Variants in TTBK1 observed in about 807,000 individuals in gnomAD.
TTBK1 encodes tau-tubulin kinase 1.
In TTBK1, 34 loss-of-function variants were observed where a neutral mutation model predicts 108.5. That is an observed-to-expected ratio of 0.31 (90% CI 0.24 to 0.42). The LOEUF is 0.42. Ranked by LOEUF, TTBK1 falls within the 10% of genes least tolerant of loss-of-function variation. The pLI, the probability that TTBK1 is intolerant of heterozygous loss-of-function variation, is 1.00. For missense variants in TTBK1, 1,539 were observed against 1,826.0 expected (o/e 0.84, Z 2.86); for synonymous variants, 809 against 795.1 (o/e 1.02, Z -0.29).
rs1235002597 is a variant in TTBK1 at position 43,285,522 on chromosome 6, G to A, written c.*146G>A. On this transcript the variant is annotated 3_prime_UTR_variant, in exon 15 of 15. Transcript: ENST00000259750. This position sits in a 1 kb window ranked among gnomAD's most constrained non-coding sequence, Gnocchi z 4.7. ...GCTTTCCGCCTGCACCCGCGAGGAC[G>A]CGCGCGAGCACACGCGGCGCCCCGC... 11 of 1,098,080 alleles carry A rather than the reference G, an allele frequency of 1.0e-5. No individual in the cohort carries two copies. The highest frequency in any genetic ancestry group is 1.3e-5 in the Non-Finnish European group (11 of 871,728). The allele number at this position is 1,098,080 out of a possible 1,614,324, so 68.0% of individuals were successfully genotyped here.
chr6:43,249,739 G>A (rs908322129), intron 2 of TTBK1, among the ~76,000 whole-genome samples: 2 of 151,778 alleles, frequency 1.3e-5, no homozygotes, highest in African/African-American at 4.8e-5. Context: ...ACCACACCTG[G>A]CTAATTTTTG....
Position 43,285,312 on chromosome 6 carries a change from A to T in TTBK1, c.3902A>T (p.Gln1301Leu), listed in dbSNP as rs1318185669. The T allele has an allele frequency of 8.4e-5, 109 of 1,294,038 alleles. 1 individual carries two copies. The highest frequency in any genetic ancestry group is 1.0e-4 in the Non-Finnish European group (103 of 1,026,130). 80.2% of individuals were successfully genotyped at this position (1,294,038 alleles called of 1,614,324 possible). ...AAGAAAGGACCCAGAGGGAAACTCC[A>T]GGCTCAGCGCGCAACAACCAAAGGC... ...GSKKGPRGKL[Q>L]AQRATTKGRA... Residue 1301 changes from glutamine to leucine, a missense_variant, in exon 15 of 15, where the codon CAG (glutamine) becomes CTG (leucine). This residue lies in a region of TTBK1 where 1,055 missense variants were observed against 1,086.5 expected (regional missense o/e 0.97). Coordinates refer to ENST00000259750, the MANE Select transcript of TTBK1 (RefSeq NM_032538.3). The surrounding 1 kb of genome is among the most constrained non-coding windows in gnomAD (Gnocchi z 4.7).
Position 43,285,457 on chromosome 6 carries a change from C to A in TTBK1, c.*81C>A, listed in dbSNP as rs1399819322. ...CCGGCCACACTGGAGCAGCTCCCAG[C>A]ACAGCCTTACGCGCCCGACGCGCGC... On this transcript the variant is annotated 3_prime_UTR_variant, in exon 15 of 15. Transcript: ENST00000259750. The surrounding 1 kb of genome is among the most constrained non-coding windows in gnomAD (Gnocchi z 4.7). 8.1e-7 allele frequency: 1 copy of A among 1,232,410 alleles called. No homozygotes were observed. The highest frequency in any genetic ancestry group is 4.3e-5 in the Admixed American group (1 of 23,470). 76.3% of individuals were successfully genotyped at this position (1,232,410 alleles called of 1,614,324 possible).
At chr6:43,274,516 C>G (rs1444106664) in intron 13 of TTBK1, among the ~76,000 whole-genome samples, 5 of 152,172 alleles carry the variant, frequency 3.3e-5, no homozygotes, top group Admixed American at 2.0e-4. Flanking sequence ...TGGCTCTGAC[C>G]GGGGATGGGG....
intron 13 of TTBK1, chr6:43,270,086 C>T (rs1777787332): frequency 1.4e-6 from 2 of 1,406,324 alleles, no homozygotes; most frequent in African/African-American, 3.0e-5. Context: ...TACAGCCCCC[C>T]TAGAACGTTG....
Position 43,253,811 on chromosome 6 carries a change from TTGTGA to T in TTBK1, c.471+106_471+110del. On this transcript the variant is annotated intron_variant, in intron 5 of 14. Transcript: ENST00000259750. This position sits in a 1 kb window ranked among gnomAD's most constrained non-coding sequence, Gnocchi z 5.8. ...TCTCCTCTGCAACCATGGTTGGGAC[TTGTGA>T]TGGGACAGCCTCTTCTCCCCAAGCC... 1.4e-6 allele frequency: 2 copies of T among 1,421,070 alleles called. No homozygotes were observed. The highest frequency in any genetic ancestry group is 1.9e-6 in the Non-Finnish European group (2 of 1,065,180). The allele number at this position is 1,421,070 out of a possible 1,614,324, so 88.0% of individuals were successfully genotyped here. A position where few individuals can be genotyped will look rare whatever the true frequency, so the allele number is the denominator to read the frequency against.
intron 13 of TTBK1, chr6:43,270,770 G>C: frequency 1.0e-6 from 1 of 985,454 alleles, no homozygotes; most frequent in Non-Finnish European, 1.2e-6. Context: ...ACTGAGCAAC[G>C]AGGAGACCCA....
Position 43,270,322 on chromosome 6 carries a change from T to C in TTBK1, c.1986+6972T>C, listed in dbSNP as rs78456669. 1.2e-4 allele frequency: 124 copies of C among 1,056,898 alleles called. No homozygotes were observed. The East Asian group carries it at 7.2e-3, about 61-fold the overall frequency. 65.5% of individuals were successfully genotyped at this position (1,056,898 alleles called of 1,614,324 possible). Reference sequence around the variant, plus strand: ...CTGCAGGGCCAGAGGCACTCTGGTATGGGCTTTGTTCTGTTTAATTTGTGA... The same window carrying C: ...CTGCAGGGCCAGAGGCACTCTGGTACGGGCTTTGTTCTGTTTAATTTGTGA... On this transcript the variant is annotated intron_variant, in intron 13 of 14. Transcript: ENST00000259750.
At position 43,263,071 on chromosome 6, in the gene TTBK1, G is replaced by T; in HGVS notation, c.1707G>T (p.Glu569Asp). The T allele has an allele frequency of 6.3e-7, 1 of 1,575,834 alleles. No individual in the cohort carries two copies. Among genetic ancestry groups the T allele is most frequent in the South Asian group, 1.2e-5 (1 of 86,400 alleles). The change falls in exon 13 of 15, where the codon GAG becomes GAT. Residue 569 changes from glutamate to aspartate, a missense_variant. Coordinates refer to ENST00000259750, the MANE Select transcript of TTBK1 (RefSeq NM_032538.3). The surrounding 1 kb of genome is among the most constrained non-coding windows in gnomAD (Gnocchi z 4.7). ...CCAGCACATCGGGCACCACGGATGA[G>T]GAGCCCGAGGAGCTGCGGCCACTGC... ...AEPSTSGTTDEEPEELRPLPE... is the reference protein window; with the variant it reads ...AEPSTSGTTDDEPEELRPLPE...
chr6:43,280,272 G>A (rs917683893), intron 13 of TTBK1, among the ~76,000 whole-genome samples: 1 of 152,064 alleles, frequency 6.6e-6, no homozygotes, highest in African/African-American at 2.4e-5. Flanking sequence ...TGGAGGCTTC[G>A]GCTGGCAGAG....
rs1049260495 is a variant in TTBK1, at chr6:43,259,182, C to A, written c.1161C>A (p.His387Gln). Residue 387 changes from histidine to glutamine, a missense_variant, in exon 11 of 15, where the codon CAC becomes CAA. By Grantham distance (24) the His-to-Gln change is conservative. Transcript: ENST00000259750. This position sits in a 1 kb window ranked among gnomAD's most constrained non-coding sequence, Gnocchi z 6.7. The part of the protein sequence containing the change: ...RPSEGLGPSP[H>Q]LVPHPGGPEA... ...CTGAGGGGCTGGGCCCCAGTCCCCA[C>A]CTTGTCCCCCACCCCGGGGGTCCTG... The A allele has an allele frequency of 2.0e-5, 33 of 1,610,102 alleles. No homozygotes were observed. Among genetic ancestry groups the A allele is most frequent in the Non-Finnish European group, 2.8e-5 (33 of 1,178,170 alleles).
chr6:43,270,956 G>A (rs1299480151), intron 13 of TTBK1: 2 of 985,384 alleles, frequency 2.0e-6, no homozygotes, highest in Non-Finnish European at 2.4e-6. Context: ...CGGTGGTGAA[G>A]ACACAGCAGA....
chr6:43,262,869 G>T lies in TTBK1; in HGVS notation c.1505G>T (p.Gly502Val). The change falls in exon 13 of 15, where the codon GGC (glycine) becomes GTC (valine). Residue 502 changes from glycine to valine, a missense_variant. Gly to Val is a moderately radical substitution (Grantham distance 109). This residue lies in a region of TTBK1 where 277 missense variants were observed against 332.4 expected (regional missense o/e 0.83). Transcript: ENST00000259750. ...QPAQMLSVDT[G>V]HADRQASGRM... ...GCCCAGATGCTGTCAGTGGACACAG[G>T]CCACGCTGACCGACAGGCCAGTGGC... 6.2e-7 allele frequency: 1 copy of T among 1,612,628 alleles called. No homozygotes were observed. The highest frequency in any genetic ancestry group is 8.5e-7 in the Non-Finnish European group (1 of 1,179,478).
intron 2 of TTBK1, among the ~76,000 whole-genome samples, chr6:43,248,993 C>T (rs963394551): frequency 3.3e-5 from 5 of 151,970 alleles, no homozygotes; most frequent in African/African-American, 1.2e-4. Context: ...ATTTGTATTC[C>T]CATTTATTAA....
chr6:43,257,081 A>G lies in TTBK1; in HGVS notation c.862-731A>G, dbSNP rs1462889078. ...GCCTGAGGCACACAGGATGCACTCA[A>G]TTAAGCCGGTCCTCTCAGCAGAGAG... On this transcript the variant is annotated intron_variant, in intron 9 of 14. Transcript: ENST00000259750. The surrounding 1 kb of genome is among the most constrained non-coding windows in gnomAD (Gnocchi z 4.5). Among the ~76,000 whole-genome samples the G allele has an allele frequency of 1.3e-5, 2 of 152,252 alleles. No homozygotes were observed. Among genetic ancestry groups the G allele is most frequent in the South Asian group, 2.1e-4 (1 of 4,828 alleles).
In TTBK1 at chr6:43,283,023, A is replaced by C; in HGVS notation, c.2283A>C (p.Glu761Asp). 1 of 1,591,766 alleles carries C rather than the reference A, an allele frequency of 6.3e-7. No individual in the cohort carries two copies. Among genetic ancestry groups the C allele is most frequent in the Non-Finnish European group, 8.6e-7 (1 of 1,167,562 alleles). ...AGGAGGAAGAGGAAGAGGAGGAGGA[A>C]GAAGAGGAGGAGGAGGAAGAGGAGG... ...EEEEEEEEEE[E>D]EEEEEEEEEE... Residue 761 changes from glutamate (E) to aspartate (D), a missense_variant, in exon 14 of 15, where the codon GAA becomes GAC. This residue lies in a region of TTBK1 where 1,055 missense variants were observed against 1,086.5 expected (regional missense o/e 0.97). Coordinates refer to ENST00000259750, the MANE Select transcript of TTBK1 (RefSeq NM_032538.3). This position sits in a 1 kb window ranked among gnomAD's most constrained non-coding sequence, Gnocchi z 8.1.
Position 43,253,734 on chromosome 6 carries a change from C to T in TTBK1, c.471+26C>T. 1 of 1,598,780 alleles carries T rather than the reference C, an allele frequency of 6.3e-7. No individual in the cohort carries two copies. The highest frequency in any genetic ancestry group is 8.5e-7 in the Non-Finnish European group (1 of 1,171,796). On this transcript the variant is annotated intron_variant, in intron 5 of 14. Transcript: ENST00000259750. The surrounding 1 kb of genome is among the most constrained non-coding windows in gnomAD (Gnocchi z 5.8). ...GTGAGTACTGCCCCCACACGCCTCT[C>T]TGTTCCCTCCTCCAGAACACACCCC...
At chr6:43,255,489 T>G in intron 7 of TTBK1, 63 bp from the exon 8 acceptor site, 1 of 1,448,324 alleles carries the variant, frequency 6.9e-7, no homozygotes, top group Non-Finnish European at 9.5e-7. Context: ...CAGAGAAGGG[T>G]CAGCCGCCCA....
intron 13 of TTBK1, chr6:43,270,396 C>G (rs1582505214): frequency 2.0e-6 from 2 of 996,858 alleles, no homozygotes; most frequent in Non-Finnish European, 2.4e-6. Context: ...TGGCGGGAGG[C>G]CAAGACCCTC....
Sources: allele counts gnomAD v4.1 joint callset (sites outside exome capture counted in the v4.1 genomes callset), GRCh38; gene constraint gnomAD v4.1.1; regional missense constraint gnomAD v4.1.1; non-coding constraint Gnocchi (gnomAD v3.1); transcripts MANE v1.5; gene names NCBI Gene and HGNC (gene_info 2026-07-23, HGNC 2026-07-21).